Variants in PAFAH1B2 observed in about 807,000 individuals in gnomAD.
The protein encoded by PAFAH1B2 is platelet-activating factor acetylhydrolase IB subunit alpha2.
In PAFAH1B2, 8 loss-of-function variants were observed where a neutral mutation model predicts 28.0. The ratio of observed to expected loss-of-function variants is 0.29; its 90% CI spans 0.17 to 0.52. The LOEUF (loss-of-function observed/expected upper bound fraction) is 0.52. Among genes scored for constraint, PAFAH1B2 ranks in the 20% least tolerant of loss-of-function variants. PAFAH1B2 has a pLI of 0.97. For synonymous variants in PAFAH1B2, 104 were observed against 103.2 expected (o/e 1.01, Z -0.05); for missense variants, 190 against 282.6 (o/e 0.67, Z 2.35).
chr11:117,156,792 G>A (rs1256685541), intron 2 of PAFAH1B2, among the ~76,000 whole-genome samples: 1 of 152,076 alleles, frequency 6.6e-6, no homozygotes, highest in East Asian at 1.9e-4. Flanking sequence ...GGAGGCAGAG[G>A]TGAGTGGATC....
Position 117,163,847 on chromosome 11 carries a change from A to C in PAFAH1B2, c.366A>C (p.Val122=). 1 of 1,614,046 alleles carries C rather than the reference A, an allele frequency of 6.2e-7. No individual in the cohort carries two copies. The highest frequency in any genetic ancestry group is 8.5e-7 in the Non-Finnish European group (1 of 1,179,956). ...TAGCAGGTGGGATCGAGGCCATTGTACAACTTATCAACACAAGGCAGCCAC... is the reference window on the plus strand; with the variant it reads ...TAGCAGGTGGGATCGAGGCCATTGTCCAACTTATCAACACAAGGCAGCCAC... ...EEVAGGIEAI[V]QLINTRQPQA... The change falls in exon 5 of 6, where the codon GTA becomes GTC. Residue 122 remains valine, a synonymous_variant. Transcript: ENST00000527958.
rs1384324265 is a variant in PAFAH1B2 at position 117,169,040 on chromosome 11, C to T, written c.*1341C>T. 1 of 747,612 alleles carries T rather than the reference C, an allele frequency of 1.3e-6. No individual in the cohort carries two copies. Among genetic ancestry groups the T allele is most frequent in the East Asian group, 7.4e-5 (1 of 13,482 alleles). 46.3% of individuals were successfully genotyped at this position (747,612 alleles called of 1,614,324 possible). A position where few individuals can be genotyped will look rare whatever the true frequency, so the allele number is the denominator to read the frequency against. On this transcript the variant is annotated 3_prime_UTR_variant, in exon 6 of 6. Coordinates refer to ENST00000527958, the MANE Select transcript of PAFAH1B2 (RefSeq NM_002572.4). ...TCCTGACCTCAGGTGATCTGCCCGCCTTGGCCTCCCAAAGTGCTGGGATTA... is the reference window on the plus strand; with the variant it reads ...TCCTGACCTCAGGTGATCTGCCCGCTTTGGCCTCCCAAAGTGCTGGGATTA...
chr11:117,167,590 T>A lies in PAFAH1B2; in HGVS notation c.581T>A (p.Phe194Tyr). ...ATCTCCTGCCACGACATGTTTGATT[T>A]TCTGCATCTGACAGGAGGGGGCTAT... ...GAISCHDMFDFLHLTGGGYAK... is the reference protein window; with the variant it reads ...GAISCHDMFDYLHLTGGGYAK... The change falls in exon 6 of 6, where the codon TTT becomes TAT. Residue 194 changes from phenylalanine to tyrosine, a missense_variant. Coordinates refer to ENST00000527958, the MANE Select transcript of PAFAH1B2 (RefSeq NM_002572.4). The A allele has an allele frequency of 6.2e-7, 1 of 1,612,814 alleles. No individual in the cohort carries two copies. Among genetic ancestry groups the A allele is most frequent in the Non-Finnish European group, 8.5e-7 (1 of 1,179,226 alleles).
At chr11:117,174,894 C>T (rs745841816), downstream of PAFAH1B2, 15 of 1,523,032 alleles carry the variant, frequency 9.8e-6, no homozygotes, top group Admixed American at 2.0e-5. Context: ...GGATTACAGG[C>T]GTGAGTCACC....
chr11:117,155,113 C>T (rs182156033), intron 2 of PAFAH1B2, among the ~76,000 whole-genome samples: 226 of 152,184 alleles, frequency 1.5e-3, no homozygotes, highest in African/African-American at 4.4e-3. Flanking sequence ...CCTCCATGCC[C>T]GGCTAATTTT....
chr11:117,166,141 C>T (rs1392507599), intron 5 of PAFAH1B2, among the ~76,000 whole-genome samples: 3 of 152,212 alleles, frequency 2.0e-5, no homozygotes, highest in Admixed American at 6.5e-5. Flanking sequence ...CTGCGCCAGA[C>T]CAGGTCATGT....
downstream of PAFAH1B2, chr11:117,171,797 A>G: frequency 7.2e-7 from 1 of 1,390,126 alleles, no homozygotes; most frequent in Non-Finnish European, 9.8e-7. Flanking sequence ...AGTTTCTGTG[A>G]TCTTTGTATC....
downstream of PAFAH1B2, chr11:117,175,016 G>T (rs146228126): frequency 2.2e-3 from 3,107 of 1,420,360 alleles, 41 homozygotes; most frequent in East Asian, 0.031. Context: ...AATGGAGCTG[G>T]ACTCATGGGT....
chr11:117,172,794 C>G (rs1956701681), downstream of PAFAH1B2, among the ~76,000 whole-genome samples: 1 of 152,162 alleles, frequency 6.6e-6, no homozygotes, highest in Admixed American at 6.5e-5. Flanking sequence ...ATCTCTGCCT[C>G]CTGGATTCAT....
At chr11:117,172,347 T>TC (rs1956666777), downstream of PAFAH1B2, among the ~76,000 whole-genome samples, 2 of 111,716 alleles carry the variant, frequency 1.8e-5, no homozygotes, top group African/African-American at 6.6e-5. Context: ...TCATTCTAGC[T>TC]TTATATATAT....
At chr11:117,175,379 T>C (rs971032826), downstream of PAFAH1B2, 17 of 1,072,318 alleles carry the variant, frequency 1.6e-5, no homozygotes, top group South Asian at 4.4e-5. Flanking sequence ...TATTCATAAG[T>C]GCGGGGTAGG....
Position 117,170,036 on chromosome 11 carries a change from G to A in PAFAH1B2, c.*2337G>A, listed in dbSNP as rs1956612547. ...TCAAGCAATAGTATTTGAACCACTA[G>A]CCTTTTAAATAAAATTCTGCCCCAT... is the stretch of plus-strand genomic sequence containing the variant. On this transcript the variant is annotated 3_prime_UTR_variant, in exon 6 of 6. Coordinates refer to ENST00000527958, the MANE Select transcript of PAFAH1B2 (RefSeq NM_002572.4). 4 of 1,054,722 alleles carry A rather than the reference G, an allele frequency of 3.8e-6. No individual in the cohort carries two copies. Among genetic ancestry groups the A allele is most frequent in the Non-Finnish European group, 3.4e-6 (3 of 872,874 alleles). 65.3% of individuals were successfully genotyped at this position (1,054,722 alleles called of 1,614,324 possible). A position where few individuals can be genotyped will look rare whatever the true frequency, so the allele number is the denominator to read the frequency against.
intron 1 of PAFAH1B2, among the ~76,000 whole-genome samples, chr11:117,145,573 T>TG (rs932868040): frequency 6.6e-6 from 1 of 152,136 alleles, no homozygotes; most frequent in Non-Finnish European, 1.5e-5. Flanking sequence ...TGCCTCCTTG[T>TG]GGGGGAGAAG....
At chr11:117,174,164 T>TTGTG (rs55735449), downstream of PAFAH1B2, among the ~76,000 whole-genome samples, 8,229 of 138,786 alleles carry the variant, frequency 0.059, 276 homozygotes, top group Middle Eastern at 0.07. Flanking sequence ...TTCATGTCTT[T>TTGTG]TGTGTGTGTG....
Position 117,169,890 on chromosome 11 carries a change from A to G in PAFAH1B2, c.*2191A>G, listed in dbSNP as rs1259572934. On this transcript the variant is annotated 3_prime_UTR_variant, in exon 6 of 6. Coordinates refer to ENST00000527958, the MANE Select transcript of PAFAH1B2 (RefSeq NM_002572.4). ...AAATCCATTAGGTTACTCCTGCAGC[A>G]TGCGCTTTTAGCTTCTCTCTTGACT... 6 of 1,054,486 alleles carry G rather than the reference A, an allele frequency of 5.7e-6. No homozygotes were observed. Among genetic ancestry groups the G allele is most frequent in the Non-Finnish European group, 6.9e-6 (6 of 872,444 alleles). 65.3% of individuals were successfully genotyped at this position (1,054,486 alleles called of 1,614,324 possible). A position where few individuals can be genotyped will look rare whatever the true frequency, so the allele number is the denominator to read the frequency against.
chr11:117,161,033 T>C (rs1483168636), intron 3 of PAFAH1B2, 112 bp from the exon 4 acceptor site: 7 of 718,796 alleles, frequency 9.7e-6, no homozygotes, highest in Non-Finnish European at 1.7e-5. Flanking sequence ...ACCATTACAG[T>C]GTTATCTTTG....
At position 117,167,515 on chromosome 11, in the gene PAFAH1B2, A is replaced by G. The variant is rs776266355; in HGVS notation, c.506A>G (p.Asn169Ser). 2.2e-5 allele frequency: 36 copies of G among 1,612,568 alleles called. No individual in the cohort carries two copies. Among genetic ancestry groups the G allele is most frequent in the African/African-American group, 1.7e-4 (13 of 74,922 alleles). Residue 169 changes from asparagine (N) to serine (S), a missense_variant, in exon 6 of 6, where the codon AAC becomes AGC. By Grantham distance (46) the Asn-to-Ser change is conservative (BLOSUM62 1). Coordinates refer to ENST00000527958, the MANE Select transcript of PAFAH1B2 (RefSeq NM_002572.4). ...LLKVSLPKLANVQLLDTDGGF... is the reference protein window; with the variant it reads ...LLKVSLPKLASVQLLDTDGGF... The stretch of plus-strand genomic sequence containing the variant: ...AAGGTTTCGCTGCCGAAGCTTGCCA[A>G]CGTGCAGCTCCTGGATACCGACGGG...
At chr11:117,159,144 G>A (rs1314754528) in intron 2 of PAFAH1B2, among the ~76,000 whole-genome samples, 1 of 152,262 alleles carries the variant, frequency 6.6e-6, no homozygotes, top group African/African-American at 2.4e-5. Context: ...TCAACTTTCT[G>A]TGTATCTACA....
At chr11:117,156,359 A>C (rs1374308662) in intron 2 of PAFAH1B2, among the ~76,000 whole-genome samples, 1 of 152,224 alleles carries the variant, frequency 6.6e-6, no homozygotes. Flanking sequence ...TGGAGTTGCC[A>C]GCAGATGTTA....
Sources: allele counts gnomAD v4.1 joint callset (sites outside exome capture counted in the v4.1 genomes callset), GRCh38; gene constraint gnomAD v4.1.1; transcripts MANE v1.5; gene names NCBI Gene and HGNC (gene_info 2026-07-23, HGNC 2026-07-21).